RPTOR: variants seen among roughly 807,000 people sequenced by gnomAD.
RPTOR encodes regulatory associated protein of MTOR complex 1, also known as regulatory-associated protein of mTOR.
Under a neutral mutation model 169.9 loss-of-function variants are expected in RPTOR, and 21 were observed. That is an observed-to-expected ratio of 0.12 (90% CI 0.09 to 0.18). RPTOR has a LOEUF of 0.18. Ranked by LOEUF, RPTOR falls within the 10% of genes least tolerant of loss-of-function variation. The pLI is 1.00. For synonymous variants in RPTOR, 732 were observed against 753.2 expected (o/e 0.97, Z 0.46); for missense variants, 1,133 against 1,855.9 (o/e 0.61, Z 7.16).
At chr17:80,807,421 G>T (rs907018031) in intron 7 of RPTOR, among the ~76,000 whole-genome samples, 4 of 152,056 alleles carry the variant, frequency 2.6e-5, no homozygotes, top group African/African-American at 9.7e-5. Flanking sequence ...ACGATCTCAA[G>T]CTCACTGCAA....
rs576020684 is a variant in RPTOR at position 80,845,491 on chromosome 17, T to C, written c.1213-982T>C. Among the ~76,000 whole-genome samples the C allele has an allele frequency of 7.3e-4, 111 of 151,450 alleles. No individual in the cohort carries two copies. Among genetic ancestry groups the C allele is most frequent in the Middle Eastern group, 6.8e-3 (2 of 292 alleles). On this transcript the variant is annotated intron_variant, in intron 10 of 33. Transcript: ENST00000306801. The surrounding 1 kb of genome is among the most constrained non-coding windows in gnomAD (Gnocchi z 5.4). Reference sequence around the variant, plus strand: ...GGTCCTCCAGCCCTCCCCCTGCTTCTCTGCATCTGGGCCCCCTTGCTTTGC... The same window carrying C: ...GGTCCTCCAGCCCTCCCCCTGCTTCCCTGCATCTGGGCCCCCTTGCTTTGC...
intron 1 of RPTOR, among the ~76,000 whole-genome samples, chr17:80,579,696 TTAAGA>T (rs2064998273): frequency 6.6e-6 from 1 of 152,324 alleles, no homozygotes; most frequent in African/African-American, 2.4e-5. Context: ...AGAGAGTAAA[TTAAGA>T]TATTTCCGAG....
At chr17:80,591,385 CT>C (rs1006797112) in intron 1 of RPTOR, among the ~76,000 whole-genome samples, 16 of 121,266 alleles carry the variant, frequency 1.3e-4, no homozygotes, top group Admixed American at 3.4e-4. Flanking sequence ...TTCTTTTTTT[CT>C]TTTTTTTTTG....
chr17:80,670,468 T>A (rs1488639664), intron 3 of RPTOR, among the ~76,000 whole-genome samples: 1 of 152,236 alleles, frequency 6.6e-6, no homozygotes, highest in Non-Finnish European at 1.5e-5. Context: ...CACTCGATTT[T>A]GACATGACGC....
chr17:80,930,617 T>C (rs565607837), intron 24 of RPTOR, among the ~76,000 whole-genome samples: 5 of 152,278 alleles, frequency 3.3e-5, no homozygotes, highest in Middle Eastern at 3.4e-3. Flanking sequence ...TGTTCTTTCC[T>C]GGAAAGTTCA....
At chr17:80,756,700 G>T (rs1486885295) in intron 6 of RPTOR, among the ~76,000 whole-genome samples, 1 of 152,154 alleles carries the variant, frequency 6.6e-6, no homozygotes, top group Non-Finnish European at 1.5e-5. Flanking sequence ...AGAAAAAACA[G>T]TCTTGAAAAG....
intron 2 of RPTOR, among the ~76,000 whole-genome samples, chr17:80,628,100 AG>A (rs1229012941): frequency 6.6e-6 from 1 of 152,102 alleles, no homozygotes; most frequent in African/African-American, 2.4e-5. Flanking sequence ...AGCCTCCCAA[AG>A]TGCTGGGATT....
chr17:80,720,747 G>A (rs2066278306), intron 4 of RPTOR, among the ~76,000 whole-genome samples: 1 of 152,204 alleles, frequency 6.6e-6, no homozygotes, highest in East Asian at 1.9e-4. Flanking sequence ...CAGGCTCACG[G>A]AGCCACAGAC....
chr17:80,890,999 G>T (rs898465584), intron 17 of RPTOR, among the ~76,000 whole-genome samples: 21 of 151,608 alleles, frequency 1.4e-4, no homozygotes, highest in Non-Finnish European at 1.5e-5. Context: ...AAAAAAAAAA[G>T]GCAGAAAAAG....
In RPTOR at chr17:80,773,985, G is replaced by T. The variant is rs58119287; in HGVS notation, c.831-17465G>T. 4,180 of 985,382 alleles carry T rather than the reference G, an allele frequency of 4.2e-3. 142 individuals are homozygous for T. In the African/African-American group the frequency reaches 0.067, roughly 16 times the overall value. The allele number at this position is 985,382 out of a possible 1,614,324, so 61.0% of individuals were successfully genotyped here. On this transcript the variant is annotated intron_variant, in intron 6 of 33. Transcript: ENST00000306801. ...GAATCCTGACAAAGGCCCTCTTCTCGGGCTGTCAGAAAGGACGAGGCTGAG... is the reference window on the plus strand; with the variant it reads ...GAATCCTGACAAAGGCCCTCTTCTCTGGCTGTCAGAAAGGACGAGGCTGAG...
chr17:80,869,137 C>T lies in RPTOR; in HGVS notation c.1509+11237C>T, dbSNP rs12600672. The stretch of plus-strand genomic sequence containing the variant: ...GTGGGACAGTCTACAAAGAACTGTA[C>T]TGTTCCCTTCTAGATTTTATTTTGT... On this transcript the variant is annotated intron_variant, in intron 13 of 33. Coordinates refer to ENST00000306801, the MANE Select transcript of RPTOR (RefSeq NM_020761.3). Among the ~76,000 whole-genome samples, 245 of 152,246 alleles carry T rather than the reference C, an allele frequency of 1.6e-3. 4 individuals are homozygous for T. In the East Asian group the frequency reaches 0.035, roughly 22 times the overall value.
chr17:80,823,309 G>T lies in RPTOR; in HGVS notation c.1136+86G>T. 7 of 1,532,734 alleles carry T rather than the reference G, an allele frequency of 4.6e-6. No individual in the cohort carries two copies. Among genetic ancestry groups the T allele is most frequent in the Non-Finnish European group, 6.2e-6 (7 of 1,134,942 alleles). The allele number at this position is 1,532,734 out of a possible 1,614,324, so 94.9% of individuals were successfully genotyped here. A position where few individuals can be genotyped will look rare whatever the true frequency, so the allele number is the denominator to read the frequency against. The stretch of plus-strand genomic sequence containing the variant: ...CATGGAATTGCACGGAGCTGGGCAG[G>T]GAGGCCCCACACCTAACTTGGGGAC... On this transcript the variant is annotated intron_variant, in intron 9 of 33. Coordinates refer to ENST00000306801, the MANE Select transcript of RPTOR (RefSeq NM_020761.3). This position sits in a 1 kb window ranked among gnomAD's most constrained non-coding sequence, Gnocchi z 4.5.
chr17:80,838,720 G>T (rs1486169224), intron 10 of RPTOR, among the ~76,000 whole-genome samples: 1 of 152,330 alleles, frequency 6.6e-6, no homozygotes, highest in South Asian at 2.1e-4. Flanking sequence ...GCGGCAGCCT[G>T]GGCAGAGGCA....
intron 4 of RPTOR, among the ~76,000 whole-genome samples, chr17:80,725,337 A>G (rs2066322696): frequency 6.6e-6 from 1 of 152,256 alleles, no homozygotes; most frequent in African/African-American, 2.4e-5. Flanking sequence ...GAAATTATCT[A>G]AAACCCATTT....
At chr17:80,881,069 G>C (rs930586509) in intron 14 of RPTOR, among the ~76,000 whole-genome samples, 2 of 152,190 alleles carry the variant, frequency 1.3e-5, no homozygotes, top group Non-Finnish European at 2.9e-5. Flanking sequence ...CTAACTCCCA[G>C]CTTAGTAATG....
intron 4 of RPTOR, among the ~76,000 whole-genome samples, chr17:80,714,535 G>C (rs1362688044): frequency 6.6e-6 from 1 of 152,004 alleles, no homozygotes; most frequent in Admixed American, 6.6e-5. Flanking sequence ...AGAAGCCCCA[G>C]ATACTTGGAA....
chr17:80,819,521 T>G (rs962747418), intron 7 of RPTOR, among the ~76,000 whole-genome samples: 2 of 152,242 alleles, frequency 1.3e-5, no homozygotes, highest in Admixed American at 1.3e-4. Flanking sequence ...TTTTGGGCTT[T>G]CTGCAATGGC....
chr17:80,929,060 G>A (rs752429753), intron 24 of RPTOR, among the ~76,000 whole-genome samples: 5 of 152,178 alleles, frequency 3.3e-5, no homozygotes, highest in South Asian at 2.1e-4. Flanking sequence ...GGTTCTGCCC[G>A]GAGATGTTCA....
At chr17:80,944,314 T>C (rs1426390218) in intron 25 of RPTOR, among the ~76,000 whole-genome samples, 1 of 152,214 alleles carries the variant, frequency 6.6e-6, no homozygotes, top group African/African-American at 2.4e-5. Flanking sequence ...GTCTCCTCCT[T>C]AAGTCTGTTA....
Sources: allele counts gnomAD v4.1 joint callset (sites outside exome capture counted in the v4.1 genomes callset), GRCh38; gene constraint gnomAD v4.1.1; non-coding constraint Gnocchi (gnomAD v3.1); transcripts MANE v1.5; gene names NCBI Gene and HGNC (gene_info 2026-07-23, HGNC 2026-07-21).